Variants in COL17A1 observed in about 807,000 individuals in gnomAD.
COL17A1 encodes collagen alpha-1(XVII) chain.
Under a neutral mutation model 218.4 loss-of-function variants are expected in COL17A1, and 181 were observed. That is an observed-to-expected ratio of 0.83 (90% CI 0.73 to 0.94). The LOEUF is 0.94. Among genes scored for constraint, COL17A1 ranks in the 40% least tolerant of loss-of-function variants. The pLI, the probability that COL17A1 is intolerant of heterozygous loss-of-function variation, is 0.00. For synonymous variants in COL17A1, 721 were observed against 731.0 expected, an observed-to-expected ratio of 0.99 and a Z score of 0.22; for missense variants, 1,924 against 1,945.9, an observed-to-expected ratio of 0.99 and a Z score of 0.21.
rs1268811846 is a variant in COL17A1 at position 104,033,202 on chromosome 10, G to A, written c.4294+36C>T. The stretch of plus-strand genomic sequence containing the variant: ...GCAGACCCGTGGGAACCTATGCAGT[G>A]AGGCAGGTGCTGGGAAAGCAGTTGG... On this transcript the variant is annotated intron_variant, in intron 53 of 55. Coordinates refer to ENST00000648076, the MANE Select transcript of COL17A1 (RefSeq NM_000494.4). 3.8e-6 allele frequency: 6 copies of A among 1,569,798 alleles called. 1 individual carries two copies. The South Asian group carries it at 5.9e-5, about 15-fold the overall frequency.
At chr10:104,049,576 T>TTTG in intron 28 of COL17A1, 105 bp from the exon 29 acceptor site, 1 of 1,273,802 alleles carries the variant, frequency 7.9e-7, no homozygotes, top group Non-Finnish European at 1.1e-6. Flanking sequence ...CAGCTTCTGC[T>TTTG]TTGATTCCAA....
rs111346864 is a variant in COL17A1, at chr10:104,034,389, CTT to C, written c.3767-57_3767-56del. On this transcript the variant is annotated intron_variant, in intron 51 of 55. Coordinates refer to ENST00000648076, the MANE Select transcript of COL17A1 (RefSeq NM_000494.4). ...GCTCAGATCTCGGTGGAGAGAAAGACTTGGGAGTTAGGGAGTCTCTCCCAGGG... is the reference window on the plus strand; with the variant it reads ...GCTCAGATCTCGGTGGAGAGAAAGACGGGAGTTAGGGAGTCTCTCCCAGGG... 1.8e-3 allele frequency: 2,751 copies of C among 1,524,448 alleles called. 41 individuals are homozygous for C. In the African/African-American group the frequency reaches 0.03, roughly 16 times the overall value. 94.4% of individuals were successfully genotyped at this position (1,524,448 alleles called of 1,614,324 possible).
At chr10:104,079,823 A>G (rs2086748526) in intron 2 of COL17A1, among the ~76,000 whole-genome samples, 1 of 151,342 alleles carries the variant, frequency 6.6e-6, no homozygotes, top group African/African-American at 2.4e-5. Flanking sequence ...GCTGCTCGGG[A>G]GGCTGAGACA....
Position 104,074,122 on chromosome 10 carries a change from C to T in COL17A1, c.379+62G>A, listed in dbSNP as rs191428988. The stretch of plus-strand genomic sequence containing the variant: ...TCCCCTACTCCCACCACTTCATCTC[C>T]CCCAGGGATTTTCCTAGTGCCTCGT... On this transcript the variant is annotated intron_variant, in intron 6 of 55. Transcript: ENST00000648076. The T allele has an allele frequency of 2.6e-5, 42 of 1,612,870 alleles. No homozygotes were observed. The African/African-American group carries it at 5.3e-4, about 20-fold the overall frequency.
At position 104,032,294 on chromosome 10, in the gene COL17A1, A is replaced by C; in HGVS notation, c.4439-4T>G. 1 of 1,613,716 alleles carries C rather than the reference A, an allele frequency of 6.2e-7. No individual in the cohort carries two copies. Among genetic ancestry groups the C allele is most frequent in the Non-Finnish European group, 8.5e-7 (1 of 1,179,606 alleles). Reference sequence around the variant, plus strand: ...CGCCCAGCATAGACTTGGTCACCTGAAAGTTAGAAGATCAGTAGGAAGTTA... The same window carrying C: ...CGCCCAGCATAGACTTGGTCACCTGCAAGTTAGAAGATCAGTAGGAAGTTA... On this transcript the variant is annotated splice_polypyrimidine_tract_variant and splice_region_variant and intron_variant, in intron 55 of 55. Coordinates refer to ENST00000648076, the MANE Select transcript of COL17A1 (RefSeq NM_000494.4).
At chr10:104,080,970 A>G (rs528863692) in intron 1 of COL17A1, among the ~76,000 whole-genome samples, 223 of 152,366 alleles carry the variant, frequency 1.5e-3, no homozygotes, top group African/African-American at 5.3e-3. Context: ...CTTACATAGC[A>G]GATCAGGTGT....
At chr10:104,035,652 AG>A in intron 48 of COL17A1, 89 bp from the exon 49 acceptor site, 3 of 1,012,600 alleles carry the variant, frequency 3.0e-6, no homozygotes, top group Non-Finnish European at 4.5e-6. Flanking sequence ...AGGTTTGGAC[AG>A]AAGTGGGGTC....
Position 104,058,067 on chromosome 10 carries a change from G to C in COL17A1, c.1267+79C>G. 4 of 1,585,566 alleles carry C rather than the reference G, an allele frequency of 2.5e-6. No homozygotes were observed. In the South Asian group the frequency reaches 4.5e-5, roughly 18 times the overall value. ...TCTGTGCACTGCACTGCTTCCAGGC[G>C]AGGGACCATCATCTGGTCCATTAGC... is the stretch of plus-strand genomic sequence containing the variant. On this transcript the variant is annotated intron_variant, in intron 16 of 55. Transcript: ENST00000648076.
intron 20 of COL17A1, among the ~76,000 whole-genome samples, 160 bp from the exon 21 acceptor site, chr10:104,054,278 A>G (rs977862172): frequency 6.6e-6 from 1 of 152,268 alleles, no homozygotes; most frequent in Non-Finnish European, 1.5e-5. Context: ...ACATAGTTTT[A>G]GTTATAAGTA....
chr10:104,081,762 C>T (rs2086766541), intron 1 of COL17A1, among the ~76,000 whole-genome samples: 1 of 152,308 alleles, frequency 6.6e-6, no homozygotes, highest in African/African-American at 2.4e-5. Flanking sequence ...TGCCTTCAGG[C>T]TCGACTTACC....
At chr10:104,042,327 C>A (rs563633345) in intron 36 of COL17A1, 93 bp downstream of exon 36, 1 of 1,378,062 alleles carries the variant, frequency 7.3e-7, no homozygotes, top group Middle Eastern at 2.2e-4. Context: ...ACACCTTTCA[C>A]GTCATCTAGA....
At chr10:104,064,629 G>C (rs1178124635) in intron 9 of COL17A1, 33 bp from the exon 10 acceptor site, 3 of 1,593,366 alleles carry the variant, frequency 1.9e-6, no homozygotes, top group Middle Eastern at 1.7e-4. Flanking sequence ...ACCCCAGTGA[G>C]AGACAAATCA....
intron 1 of COL17A1, among the ~76,000 whole-genome samples, chr10:104,083,303 G>T (rs953241474): frequency 2.6e-5 from 4 of 152,138 alleles, no homozygotes; most frequent in African/African-American, 9.7e-5. Context: ...ATCCTAGCAG[G>T]ATTCACCAGT....
chr10:104,033,182 C>A, intron 53 of COL17A1, 56 bp downstream of exon 53: 4 of 1,560,700 alleles, frequency 2.6e-6, no homozygotes, highest in Non-Finnish European at 3.5e-6. Flanking sequence ...CTGGAGCAGA[C>A]CCGTGGGAAC....
chr10:104,077,473 G>A lies in COL17A1; in HGVS notation c.151C>T (p.Arg51Trp), dbSNP rs371548263. The change falls in exon 4 of 56, where the codon CGG becomes TGG. Residue 51 changes from arginine to tryptophan, a missense_variant. Coordinates refer to ENST00000648076, the MANE Select transcript of COL17A1 (RefSeq NM_000494.4). ...AKTASLGGGS[R>W]LEKQSLTHGS... is the part of the protein sequence containing the mutation. Reference sequence around the variant, plus strand: ...TGAGTCAGGCTTTGTTTCTCCAGCCGGCTCCCTCCACCAAGAGAGGCTGTT... The same window carrying A: ...TGAGTCAGGCTTTGTTTCTCCAGCCAGCTCCCTCCACCAAGAGAGGCTGTT... 8.1e-6 allele frequency: 13 copies of A among 1,613,302 alleles called. No individual in the cohort carries two copies. The East Asian group carries it at 1.3e-4, about 17-fold the overall frequency.
intron 32 of COL17A1, 98 bp from the exon 33 acceptor site, chr10:104,045,891 C>T (rs1589562385): frequency 1.0e-6 from 1 of 980,044 alleles, no homozygotes; most frequent in Admixed American, 1.7e-5. Context: ...CACAGCCACA[C>T]TGCTGACTGA....
At chr10:104,037,410 C>T (rs1456046120) in intron 46 of COL17A1, among the ~76,000 whole-genome samples, 1 of 151,972 alleles carries the variant, frequency 6.6e-6, no homozygotes, top group Non-Finnish European at 1.5e-5. Context: ...ACACATTAGT[C>T]AATTGCCGGA....
At position 104,033,392 on chromosome 10, in the gene COL17A1, C is replaced by G; in HGVS notation, c.4157-17G>C. On this transcript the variant is annotated splice_polypyrimidine_tract_variant and intron_variant, in intron 52 of 55. Transcript: ENST00000648076. ...GGCCCTGACCTGTAAAACACCAGAG[C>G]TTGGGCACAGGAAGCAGGGATCTCC... 1 of 1,608,814 alleles carries G rather than the reference C, an allele frequency of 6.2e-7. No individual in the cohort carries two copies. The highest frequency in any genetic ancestry group is 8.5e-7 in the Non-Finnish European group (1 of 1,178,034).
intron 1 of COL17A1, among the ~76,000 whole-genome samples, chr10:104,082,297 A>G (rs1313899680): frequency 6.6e-6 from 1 of 152,220 alleles, no homozygotes; most frequent in Admixed American, 6.5e-5. Context: ...TGACCAGTGA[A>G]TCTGTCTGCA....
Sources: allele counts gnomAD v4.1 joint callset (sites outside exome capture counted in the v4.1 genomes callset), GRCh38; gene constraint gnomAD v4.1.1; transcripts MANE v1.5; gene names NCBI Gene and HGNC (gene_info 2026-07-23, HGNC 2026-07-21).